The following RPSA variants were observed in gnomAD, a reference collection of about 807,000 sequenced individuals.
The protein encoded by RPSA is ribosomal protein SA.
For synonymous variants in RPSA, 103 were observed against 126.7 expected, an observed-to-expected ratio of 0.81 and a Z score of 1.25; for missense variants, 140 against 372.8, an observed-to-expected ratio of 0.38 and a Z score of 5.14.
rs139776060 is a variant in RPSA at position 39,411,800 on chromosome 3, G to C, written c.627+23G>C. On this transcript the variant is annotated intron_variant, in intron 5 of 6. Coordinates refer to ENST00000301821, the MANE Select transcript of RPSA (RefSeq NM_002295.6). ...GAGGTAAGCTTCTCCAAAGGCTTGT[G>C]GTTACATAAGCAAATTGGACGACTT... The C allele has an allele frequency of 3.8e-4, 612 of 1,599,600 alleles. 1 individual carries two copies. In the Middle Eastern group the frequency reaches 4.6e-3, roughly 12 times the overall value.
At chr3:39,412,147 T>C in intron 6 of RPSA, 86 bp downstream of exon 6, 1 of 1,427,274 alleles carries the variant, frequency 7.0e-7, no homozygotes, top group Non-Finnish European at 9.9e-7. Context: ...GTGACTTTTA[T>C]ACTAGCTTTA....
chr3:39,407,567 G>A (rs2041938084), intron 1 of RPSA, 54 bp from the exon 2 acceptor site: 2 of 1,340,742 alleles, frequency 1.5e-6, no homozygotes, highest in South Asian at 2.3e-5. Context: ...TTTTAAGGGT[G>A]TGCCCTACTT....
At chr3:39,411,169 C>G in intron 4 of RPSA, 170 bp downstream of exon 4, 1 of 795,748 alleles carries the variant, frequency 1.3e-6, no homozygotes, top group Non-Finnish European at 2.2e-6. Context: ...GGTCTCTGGC[C>G]CAATGAGTGG....
chr3:39,410,906 G>A lies in RPSA; in HGVS notation c.405G>A (p.Thr135=), dbSNP rs1481488006. ...CCAGGGCTGACCACCAGCCTCTCAC[G>A]GAGGCATCTTATGTTAACCTACCTA... The part of the protein sequence containing the change: ...TDPRADHQPL[T]EASYVNLPTI... Residue 135 remains threonine, a synonymous_variant, in exon 4 of 7, where the codon ACG becomes ACA. Transcript: ENST00000301821. 5.7e-6 allele frequency: 9 copies of A among 1,588,218 alleles called. No homozygotes were observed. The East Asian group carries it at 6.7e-5, about 12-fold the overall frequency.
chr3:39,407,720 A>G lies in RPSA; in HGVS notation c.67A>G (p.Thr23Ala). The change falls in exon 2 of 7, where the codon ACC becomes GCC. Residue 23 changes from threonine to alanine, a missense_variant. Thr to Ala is a moderately conservative substitution (Grantham distance 58). Transcript: ENST00000301821. ...EDVLKFLAAGTHLGGTNLDFQ... is the reference protein window; with the variant it reads ...EDVLKFLAAGAHLGGTNLDFQ... ...TGTCCTTAAGTTCCTTGCAGCAGGA[A>G]CCCACTTAGGTGGCACCAATCTTGA... The G allele has an allele frequency of 6.3e-7, 1 of 1,594,448 alleles. No homozygotes were observed.
chr3:39,408,527 C>T (rs930632791), intron 2 of RPSA, 79 bp from the exon 3 acceptor site: 6 of 884,572 alleles, frequency 6.8e-6, no homozygotes, highest in South Asian at 3.9e-5. Context: ...TGGTAGTACT[C>T]GCTGCCACAT....
intron 3 of RPSA, among the ~76,000 whole-genome samples, chr3:39,409,570 A>G (rs2041975659): frequency 1.3e-5 from 2 of 152,216 alleles, no homozygotes. Context: ...CATTTTGTGT[A>G]GACTTGTGCC....
chr3:39,407,796 T>A lies in RPSA; in HGVS notation c.133+10T>A. 1 of 1,597,302 alleles carries A rather than the reference T, an allele frequency of 6.3e-7. No homozygotes were observed. The highest frequency in any genetic ancestry group is 8.5e-7 in the Non-Finnish European group (1 of 1,178,892). ...AAAAGGAAAAGTGATGGTTAGTCATTGCTTTAATTTTTTGTTACTCCAGCT... is the reference window on the plus strand; with the variant it reads ...AAAAGGAAAAGTGATGGTTAGTCATAGCTTTAATTTTTTGTTACTCCAGCT... On this transcript the variant is annotated intron_variant, in intron 2 of 6. Coordinates refer to ENST00000301821, the MANE Select transcript of RPSA (RefSeq NM_002295.6).
chr3:39,407,828 A>G, intron 2 of RPSA, 42 bp downstream of exon 2: 2 of 1,556,756 alleles, frequency 1.3e-6, no homozygotes, highest in Non-Finnish European at 1.7e-6. Context: ...AGCTGTAAGT[A>G]CAAATTTTGA....
intron 1 of RPSA, 93 bp downstream of exon 1, chr3:39,406,857 C>T (rs1437104279): frequency 2.2e-6 from 1 of 456,350 alleles, no homozygotes; most frequent in Non-Finnish European, 4.4e-6. Context: ...GTGATGAAAG[C>T]CGGTCAGACT....
rs35133171 is a variant in RPSA, at chr3:39,406,752, G to A, written c.-46G>A. Reference sequence around the variant, plus strand: ...GTGCTACCTGCAGAGGGGTCCATACGGCGTTGTTCTGGGTGAGTTCCGTGT... The same window carrying A: ...GTGCTACCTGCAGAGGGGTCCATACAGCGTTGTTCTGGGTGAGTTCCGTGT... On this transcript the variant is annotated 5_prime_UTR_variant, in exon 1 of 7. Coordinates refer to ENST00000301821, the MANE Select transcript of RPSA (RefSeq NM_002295.6). 9.6e-6 allele frequency: 4 copies of A among 414,996 alleles called. No homozygotes were observed. The highest frequency in any genetic ancestry group is 7.6e-5 in the East Asian group (1 of 13,158). The allele number at this position is 414,996 out of a possible 1,614,324, so 25.7% of individuals were successfully genotyped here.
rs769993651 is a variant in RPSA, at chr3:39,411,201, A to G, written c.498+202A>G. The G allele has an allele frequency of 5.9e-5, 45 of 757,728 alleles. No homozygotes were observed. In the East Asian group the frequency reaches 1.1e-3, roughly 18 times the overall value. 46.9% of individuals were successfully genotyped at this position (757,728 alleles called of 1,614,324 possible). On this transcript the variant is annotated intron_variant, in intron 4 of 6. Transcript: ENST00000301821. The stretch of plus-strand genomic sequence containing the variant: ...GTGGAGTTTGATAGTAATTCTTGCT[A>G]CAAGTATAACATTACTGCATGACAG...
chr3:39,408,288 GAA>G (rs1034923623), intron 2 of RPSA: 1 of 504,622 alleles, frequency 2.0e-6, no homozygotes, highest in South Asian at 1.7e-5. Flanking sequence ...TTATAAAAGG[GAA>G]AGAGTGGCAG....
intron 3 of RPSA, 86 bp downstream of exon 3, chr3:39,408,810 A>G (rs1163242292): frequency 2.3e-6 from 2 of 887,600 alleles, no homozygotes; most frequent in Non-Finnish European, 1.9e-6. Flanking sequence ...GAAAACAGAA[A>G]TAACTCAGGC....
chr3:39,411,263 GTTC>G (rs1011084384), intron 4 of RPSA: 13 of 703,828 alleles, frequency 1.8e-5, no homozygotes, highest in East Asian at 1.1e-4. Flanking sequence ...AAAATAGTGT[GTTC>G]TTCTGCCTTT....
chr3:39,409,582 C>G (rs2041975822), intron 3 of RPSA, among the ~76,000 whole-genome samples: 1 of 152,126 alleles, frequency 6.6e-6, no homozygotes, highest in Non-Finnish European at 1.5e-5. Flanking sequence ...ACTTGTGCCA[C>G]TAAATATCTA....
At chr3:39,411,477 C>A (rs142951014) in intron 4 of RPSA, 172 bp from the exon 5 acceptor site, 3 of 675,068 alleles carry the variant, frequency 4.4e-6, no homozygotes, top group African/African-American at 1.8e-5. Context: ...CCCTATGATT[C>A]CAGTGTGCAG....
At chr3:39,406,952 C>T (rs1466630821) in intron 1 of RPSA, 188 bp downstream of exon 1, 3 of 452,866 alleles carry the variant, frequency 6.6e-6, no homozygotes, top group South Asian at 3.1e-5. Flanking sequence ...CCCAGAGTGC[C>T]CCGGGAGCGG....
At chr3:39,406,974 C>T (rs1559397990) in intron 1 of RPSA, 3 of 451,140 alleles carry the variant, frequency 6.6e-6, no homozygotes, top group East Asian at 7.0e-5. Context: ...TGGAGGCCGC[C>T]CTCCAGCGGA....
Sources: allele counts gnomAD v4.1 joint callset (sites outside exome capture counted in the v4.1 genomes callset), GRCh38; gene constraint gnomAD v4.1.1; transcripts MANE v1.5; gene names NCBI Gene and HGNC (gene_info 2026-07-23, HGNC 2026-07-21).